DPP10: variants seen among roughly 807,000 people sequenced by gnomAD.
DPP10 encodes the protein dipeptidyl peptidase like 10.
In DPP10, 33 loss-of-function variants were observed where a neutral mutation model predicts 120.9. That is an observed-to-expected ratio of 0.27 (90% CI 0.21 to 0.37). The LOEUF (loss-of-function observed/expected upper bound fraction) is 0.37, where lower values mean the gene tolerates loss of function less well. DPP10 is among the 10% of genes least tolerant of loss of function. The pLI, the probability that DPP10 is intolerant of heterozygous loss-of-function variation, is 1.00. For missense variants in DPP10, 816 were observed against 942.8 expected (o/e 0.87, Z 1.76); for synonymous variants, 337 against 326.1 (o/e 1.03, Z -0.36).
At chr2:115,707,218 A>G (rs1463702025) in intron 7 of DPP10, among the ~76,000 whole-genome samples, 1 of 151,962 alleles carries the variant, frequency 6.6e-6, no homozygotes, top group Non-Finnish European at 1.5e-5. Flanking sequence ...TCAGTAGGGT[A>G]TAAAAGGTTT....
chr2:115,103,132 A>G (rs2048775021), intron 1 of DPP10, among the ~76,000 whole-genome samples: 1 of 151,918 alleles, frequency 6.6e-6, no homozygotes, highest in South Asian at 2.1e-4. Flanking sequence ...AACAGCTAAA[A>G]CAGGGGTTTT....
rs183299605 is a variant in DPP10, at chr2:114,606,768, G to C, written c.60+163930G>C. On this transcript the variant is annotated intron_variant, in intron 1 of 25. Transcript: ENST00000410059. ...ACCTTATAAATTTTGTCGCATTTCA[G>C]CAAGAGTTCTTGATATGTATTTAAA... 7.9e-5 allele frequency among the ~76,000 whole-genome samples: 12 copies of C among 152,254 alleles called. No individual in the cohort carries two copies. In the East Asian group the frequency reaches 2.3e-3, roughly 30 times the overall value.
At chr2:115,820,431 CT>C (rs981405979) in intron 21 of DPP10, among the ~76,000 whole-genome samples, 222 of 138,302 alleles carry the variant, frequency 1.6e-3, no homozygotes, top group Admixed American at 1.7e-3. Flanking sequence ...ATTTTTTTTT[CT>C]TTTTTTTTTT....
At chr2:115,416,610 A>G (rs1456828643) in intron 3 of DPP10, among the ~76,000 whole-genome samples, 2 of 152,186 alleles carry the variant, frequency 1.3e-5, no homozygotes, top group African/African-American at 4.8e-5. Flanking sequence ...ACTGAAGAGG[A>G]GGAGCTAGGA....
rs142836392 is a variant in DPP10, at chr2:115,676,736, C to T, written c.442-12951C>T. Among the ~76,000 whole-genome samples, 269 of 152,194 alleles carry T rather than the reference C, an allele frequency of 1.8e-3. 2 individuals carry two copies. Among genetic ancestry groups the T allele is most frequent in the African/African-American group, 6.2e-3 (257 of 41,546 alleles). ...ACAAATATTGGAATCATGGAAGTTC[C>T]ACATTAAGCAGAGAAGAAGAAAAAC... On this transcript the variant is annotated intron_variant, in intron 5 of 25. Transcript: ENST00000410059.
chr2:115,671,922 A>T (rs1438102149), intron 5 of DPP10, among the ~76,000 whole-genome samples: 1 of 152,146 alleles, frequency 6.6e-6, no homozygotes, highest in African/African-American at 2.4e-5. Context: ...ATGCAAATGG[A>T]ATAGTGTGAC....
At chr2:115,370,549 A>G (rs1240461716) in intron 3 of DPP10, among the ~76,000 whole-genome samples, 2 of 152,068 alleles carry the variant, frequency 1.3e-5, no homozygotes, top group Admixed American at 1.3e-4. Context: ...TAAACAATGG[A>G]AAGTTACGGT....
At chr2:115,062,698 T>C (rs1000248600) in intron 1 of DPP10, among the ~76,000 whole-genome samples, 5 of 152,232 alleles carry the variant, frequency 3.3e-5, no homozygotes, top group Non-Finnish European at 5.9e-5. Context: ...GCTCCATCCA[T>C]GTCCCTGCAA....
At chr2:115,466,494 T>C (rs1488580516) in intron 3 of DPP10, among the ~76,000 whole-genome samples, 1 of 152,196 alleles carries the variant, frequency 6.6e-6, no homozygotes, top group Admixed American at 6.5e-5. Context: ...CTTTAACTTT[T>C]GGTGATTATT....
intron 1 of DPP10, among the ~76,000 whole-genome samples, chr2:114,646,327 G>A (rs1573875265): frequency 6.6e-6 from 1 of 152,124 alleles, no homozygotes; most frequent in East Asian, 1.9e-4. Context: ...CCCACCATGA[G>A]ACAAAATGAA....
intron 1 of DPP10, among the ~76,000 whole-genome samples, chr2:114,753,994 A>T (rs968429401): frequency 6.6e-6 from 1 of 152,114 alleles, no homozygotes; most frequent in African/African-American, 2.4e-5. Flanking sequence ...ATGAAGAGAA[A>T]ATAGTGTGAA....
intron 1 of DPP10, among the ~76,000 whole-genome samples, chr2:115,205,891 G>A (rs1029259269): frequency 3.9e-5 from 6 of 152,170 alleles, no homozygotes; most frequent in African/African-American, 1.2e-4. Flanking sequence ...GAAGCAGGGA[G>A]TGGTACAAGG....
chr2:115,271,458 T>A (rs981071331), intron 1 of DPP10, among the ~76,000 whole-genome samples: 1 of 152,214 alleles, frequency 6.6e-6, no homozygotes, highest in Non-Finnish European at 1.5e-5. Flanking sequence ...AGCAGGTTGT[T>A]GCATTTTTTT....
intron 1 of DPP10, among the ~76,000 whole-genome samples, chr2:114,547,270 G>T (rs1030294858): frequency 2.0e-5 from 3 of 152,180 alleles, no homozygotes; most frequent in Non-Finnish European, 4.4e-5. Flanking sequence ...CACCCCTCCA[G>T]GGAACCACTT....
intron 1 of DPP10, among the ~76,000 whole-genome samples, chr2:114,746,844 C>T (rs913385210): frequency 6.6e-6 from 1 of 152,196 alleles, no homozygotes; most frequent in Non-Finnish European, 1.5e-5. Context: ...TATCTTTCTT[C>T]AGCTGCCTCA....
chr2:115,095,482 G>T (rs1305273348), intron 1 of DPP10, among the ~76,000 whole-genome samples: 2 of 151,994 alleles, frequency 1.3e-5, no homozygotes, highest in African/African-American at 4.8e-5. Context: ...TGATGTAAGT[G>T]CATTTAGCTC....
intron 1 of DPP10, among the ~76,000 whole-genome samples, chr2:114,825,249 A>C (rs542021558): frequency 2.6e-5 from 4 of 152,364 alleles, no homozygotes; most frequent in African/African-American, 9.6e-5. Flanking sequence ...TTAACATTTA[A>C]TATCTGGGAC....
chr2:114,599,316 T>C (rs1692177512), intron 1 of DPP10, among the ~76,000 whole-genome samples: 1 of 151,874 alleles, frequency 6.6e-6, no homozygotes, highest in East Asian at 1.9e-4. Context: ...ACACATTTAA[T>C]TCACAACCTT....
At chr2:115,298,258 G>A (rs1258823216) in intron 1 of DPP10, among the ~76,000 whole-genome samples, 6 of 152,044 alleles carry the variant, frequency 3.9e-5, no homozygotes, top group South Asian at 4.1e-4. Context: ...GCCTGATCAT[G>A]TGTGTTAGGC....
Sources: gnomAD v4.1 joint callset for allele counts (sites outside exome capture counted in the v4.1 genomes callset) on GRCh38, gnomAD v4.1.1 for gene constraint, MANE v1.5 for transcripts, NCBI Gene and HGNC (gene_info 2026-07-23, HGNC 2026-07-21) for gene names.